The following SIK3 variants were observed in gnomAD, a reference collection of about 807,000 sequenced individuals.
The protein encoded by SIK3 is serine/threonine-protein kinase SIK3.
A neutral mutation model predicts 144.2 loss-of-function variants in SIK3; 28 were observed. The observed-to-expected ratio is 0.19, with a 90% CI of 0.14 to 0.27. The LOEUF (loss-of-function observed/expected upper bound fraction) is 0.27. SIK3 is among the 10% of genes least tolerant of loss of function. The pLI is 1.00. For missense variants in SIK3, 1,319 were observed against 1,776.0 expected (o/e 0.74, Z 4.62); for synonymous variants, 686 against 676.3 (o/e 1.01, Z -0.22).
chr11:117,060,114 G>A (rs946013235), intron 1 of SIK3, among the ~76,000 whole-genome samples: 27 of 152,220 alleles, frequency 1.8e-4, no homozygotes, highest in Middle Eastern at 3.4e-3. Flanking sequence ...TTCCTTAATA[G>A]GTGAATGGGT....
intron 1 of SIK3, among the ~76,000 whole-genome samples, chr11:117,085,760 G>T (rs1284128272): frequency 6.6e-6 from 1 of 152,080 alleles, no homozygotes. Flanking sequence ...CGAAGCAGGC[G>T]AACTGCCTGA....
intron 1 of SIK3, among the ~76,000 whole-genome samples, chr11:116,978,974 T>C (rs1297317524): frequency 1.3e-5 from 2 of 152,220 alleles, no homozygotes; most frequent in Non-Finnish European, 2.9e-5. Flanking sequence ...TTGAGTTGTT[T>C]GGATTTTTAG....
intron 1 of SIK3, among the ~76,000 whole-genome samples, chr11:117,089,643 TGGGGGG>T (rs2134069567): frequency 6.6e-6 from 1 of 152,264 alleles, no homozygotes; most frequent in African/African-American, 2.4e-5. Flanking sequence ...CATTCAATTC[TGGGGGG>T]AGCTATGAAA....
intron 21 of SIK3, among the ~76,000 whole-genome samples, chr11:116,852,281 T>G (rs1470016495): frequency 1.3e-5 from 2 of 152,140 alleles, no homozygotes; most frequent in Admixed American, 6.5e-5. Context: ...ACACCCACCC[T>G]CCTTTGGGCT....
chr11:117,087,489 G>C (rs778980979), intron 1 of SIK3, among the ~76,000 whole-genome samples: 3 of 152,118 alleles, frequency 2.0e-5, no homozygotes, highest in Non-Finnish European at 4.4e-5. Flanking sequence ...TCCTCTTCCA[G>C]GTTTGGTACA....
intron 6 of SIK3, among the ~76,000 whole-genome samples, chr11:116,882,249 A>T (rs1306333622): frequency 2.0e-5 from 3 of 152,190 alleles, no homozygotes; most frequent in Admixed American, 2.0e-4. Flanking sequence ...CTAAATGGGG[A>T]GCGTTGTCTT....
At chr11:117,007,819 C>T (rs1157594270) in intron 1 of SIK3, among the ~76,000 whole-genome samples, 1 of 152,176 alleles carries the variant, frequency 6.6e-6, no homozygotes, top group Admixed American at 6.5e-5. Context: ...TGTGCTGGCT[C>T]ATGCCTGTAA....
intron 6 of SIK3, among the ~76,000 whole-genome samples, chr11:116,886,416 T>A (rs1176812706): frequency 6.6e-6 from 1 of 152,226 alleles, no homozygotes; most frequent in East Asian, 1.9e-4. Context: ...TGGTTCTTGA[T>A]GAGTAAGCCT....
intron 3 of SIK3, among the ~76,000 whole-genome samples, chr11:116,948,054 C>A (rs1948760631): frequency 6.6e-6 from 1 of 151,700 alleles, no homozygotes; most frequent in Admixed American, 6.6e-5. Context: ...CCCACTTCAG[C>A]CTCTCGAGTA....
intron 1 of SIK3, among the ~76,000 whole-genome samples, chr11:116,988,949 C>A (rs1205003458): frequency 1.3e-5 from 2 of 151,026 alleles, no homozygotes; most frequent in African/African-American, 4.9e-5. Context: ...AAAAACAAAA[C>A]AAAACAAAAA....
At chr11:116,992,974 G>A (rs1345275601) in intron 1 of SIK3, among the ~76,000 whole-genome samples, 1 of 152,178 alleles carries the variant, frequency 6.6e-6, no homozygotes, top group Non-Finnish European at 1.5e-5. Context: ...GACAGAGTGA[G>A]ATTCTGTCTC....
At chr11:116,940,192 T>C (rs1948208363) in intron 3 of SIK3, among the ~76,000 whole-genome samples, 1 of 152,038 alleles carries the variant, frequency 6.6e-6, no homozygotes, top group Admixed American at 6.6e-5. Flanking sequence ...TAAATGTTAA[T>C]GTAGGAGCCA....
At chr11:116,911,254 TC>T (rs2134954864) in intron 4 of SIK3, among the ~76,000 whole-genome samples, 1 of 152,334 alleles carries the variant, frequency 6.6e-6, no homozygotes, top group South Asian at 2.1e-4. Flanking sequence ...ATGCCTGTAA[TC>T]CCAGCACTTT....
At chr11:117,042,267 C>T (rs1952777649) in intron 1 of SIK3, among the ~76,000 whole-genome samples, 6 of 152,204 alleles carry the variant, frequency 3.9e-5, no homozygotes. Flanking sequence ...AAGTTAAAAC[C>T]TATTTGCAGA....
chr11:117,098,128 C>G lies in SIK3; in HGVS notation c.273+15G>C, dbSNP rs556823480. The G allele has an allele frequency of 1.4e-6, 2 of 1,468,892 alleles. No individual in the cohort carries two copies. Among genetic ancestry groups the G allele is most frequent in the East Asian group, 3.1e-5 (1 of 31,874 alleles). 91.0% of individuals were successfully genotyped at this position (1,468,892 alleles called of 1,614,324 possible). A position where few individuals can be genotyped will look rare whatever the true frequency, so the allele number is the denominator to read the frequency against. On this transcript the variant is annotated intron_variant, in intron 1 of 24. Transcript: ENST00000445177. ...CCGCCACGCTCCGACTGCCGCCTGGCCCCTGCGCCGGTACCTTGGCCTTGG... is the reference window on the plus strand; with the variant it reads ...CCGCCACGCTCCGACTGCCGCCTGGGCCCTGCGCCGGTACCTTGGCCTTGG...
chr11:117,091,103 G>A (rs75202546), intron 1 of SIK3, among the ~76,000 whole-genome samples: 3,784 of 151,992 alleles, frequency 0.025, 87 homozygotes, highest in South Asian at 0.11. Flanking sequence ...ATAAGACTCC[G>A]GGAAAATGGG....
At chr11:116,854,232 C>T (rs1037801482) in intron 21 of SIK3, among the ~76,000 whole-genome samples, 4 of 152,110 alleles carry the variant, frequency 2.6e-5, no homozygotes, top group East Asian at 1.9e-4. Context: ...TGTAGTGGCA[C>T]GCGCCTGTAG....
At chr11:116,975,252 T>C (rs1441584791) in intron 1 of SIK3, among the ~76,000 whole-genome samples, 1 of 151,990 alleles carries the variant, frequency 6.6e-6, no homozygotes, top group African/African-American at 2.4e-5. Context: ...AGTGTAAAAT[T>C]CAACGTGTTT....
chr11:116,960,788 C>CAGTAAA (rs145400227), intron 1 of SIK3, among the ~76,000 whole-genome samples: 11,017 of 152,166 alleles, frequency 0.072, 483 homozygotes, highest in Middle Eastern at 0.11. Context: ...ATGCCTGGCA[C>CAGTAAA]AGTAAACAGG....
Sources: gnomAD v4.1 joint callset for allele counts (sites outside exome capture counted in the v4.1 genomes callset) on GRCh38, gnomAD v4.1.1 for gene constraint, MANE v1.5 for transcripts, NCBI Gene and HGNC (gene_info 2026-07-23, HGNC 2026-07-21) for gene names.